Variants in PPARGC1A observed in about 807,000 individuals in gnomAD.
The protein encoded by PPARGC1A is peroxisome proliferator-activated receptor gamma coactivator 1-alpha.
In PPARGC1A, 25 loss-of-function variants were observed where a neutral mutation model predicts 88.7. The ratio of observed to expected loss-of-function variants is 0.28; its 90% CI spans 0.21 to 0.39. The LOEUF is 0.39. PPARGC1A is among the 10% of genes least tolerant of loss of function. The pLI is 1.00. For missense variants in PPARGC1A, 880 were observed against 968.7 expected (o/e 0.91, Z 1.22); for synonymous variants, 363 against 355.6 (o/e 1.02, Z -0.24).
the PPARGC1A span, among the ~76,000 whole-genome samples, chr4:24,287,525 A>T: frequency 0.45 from 68,339 of 151,344 alleles, 15,941 homozygotes; most frequent in Non-Finnish European, 0.52. Flanking sequence ...GAGTGCTGAG[A>T]AAAAAAAATC....
intron 2 of PPARGC1A, among the ~76,000 whole-genome samples, chr4:23,833,408 A>G (rs1311286664): frequency 6.6e-6 from 1 of 152,174 alleles, no homozygotes; most frequent in African/African-American, 2.4e-5. Context: ...TGCTTCCAAA[A>G]TCTTCTTTTG....
At chr4:24,051,740 G>A in the PPARGC1A span, among the ~76,000 whole-genome samples, 87 of 152,280 alleles carry the variant, frequency 5.7e-4, no homozygotes, top group East Asian at 7.1e-3. Context: ...GAGGGGCTGG[G>A]AAGAAATTAG....
At chr4:23,854,407 G>C (rs990741591) in intron 2 of PPARGC1A, among the ~76,000 whole-genome samples, 3 of 152,146 alleles carry the variant, frequency 2.0e-5, no homozygotes, top group Non-Finnish European at 4.4e-5. Flanking sequence ...CCTCTGACCT[G>C]GGAAATGAAG....
At chr4:24,009,904 C>T in the PPARGC1A span, among the ~76,000 whole-genome samples, 1 of 152,174 alleles carries the variant, frequency 6.6e-6, no homozygotes. Context: ...CTTCTAATTC[C>T]TTCCCTGATA....
the PPARGC1A span, among the ~76,000 whole-genome samples, chr4:24,270,243 C>T: frequency 6.6e-6 from 1 of 152,130 alleles, no homozygotes; most frequent in African/African-American, 2.4e-5. Context: ...GGCCTTCAGA[C>T]TGCAGCTCTT....
chr4:24,096,558 T>C, the PPARGC1A span, among the ~76,000 whole-genome samples: 1 of 152,328 alleles, frequency 6.6e-6, no homozygotes, highest in African/African-American at 2.4e-5. Context: ...GTAAAAGTCA[T>C]GGCAAGAATG....
the PPARGC1A span, among the ~76,000 whole-genome samples, chr4:24,319,215 T>C: frequency 6.6e-6 from 1 of 152,100 alleles, no homozygotes; most frequent in Non-Finnish European, 1.5e-5. Flanking sequence ...GTGTGGTGCA[T>C]GCCTGTCGTC....
At chr4:23,997,712 G>C in the PPARGC1A span, among the ~76,000 whole-genome samples, 2 of 151,848 alleles carry the variant, frequency 1.3e-5, no homozygotes, top group Admixed American at 1.3e-4. Context: ...GGGTGGTCTT[G>C]AACTCCGAAG....
At chr4:24,381,821 T>C in the PPARGC1A span, among the ~76,000 whole-genome samples, 4 of 152,224 alleles carry the variant, frequency 2.6e-5, no homozygotes, top group African/African-American at 4.8e-5. Context: ...AGACCTGAGG[T>C]TGATTAGATA....
the PPARGC1A span, among the ~76,000 whole-genome samples, chr4:24,465,118 A>C: frequency 6.6e-6 from 1 of 152,180 alleles, no homozygotes; most frequent in African/African-American, 2.4e-5. Context: ...CTCCTGCCGC[A>C]GCCTCCTGAG....
chr4:23,843,906 C>T (rs1055571450), intron 2 of PPARGC1A, among the ~76,000 whole-genome samples: 1 of 151,858 alleles, frequency 6.6e-6, no homozygotes, highest in Non-Finnish European at 1.5e-5. Flanking sequence ...TACATGCAGA[C>T]CAATATCATA....
chr4:23,973,521 T>C, the PPARGC1A span, among the ~76,000 whole-genome samples: 14 of 152,358 alleles, frequency 9.2e-5, no homozygotes, highest in South Asian at 2.7e-3. Flanking sequence ...GTTTCTATGG[T>C]GTTTGATGTC....
the PPARGC1A span, among the ~76,000 whole-genome samples, chr4:23,914,072 G>T: frequency 6.6e-6 from 1 of 152,210 alleles, no homozygotes; most frequent in Admixed American, 6.5e-5. Context: ...AACCTCTTCT[G>T]GGAGGGATTC....
At chr4:24,426,287 C>T in the PPARGC1A span, among the ~76,000 whole-genome samples, 1 of 152,346 alleles carries the variant, frequency 6.6e-6, no homozygotes, top group African/African-American at 2.4e-5. Flanking sequence ...AACTCCTCCT[C>T]TAACCTTAGT....
intron 1 of PPARGC1A, among the ~76,000 whole-genome samples, chr4:23,886,409 G>A (rs1308206561): frequency 6.6e-6 from 1 of 152,094 alleles, no homozygotes; most frequent in Non-Finnish European, 1.5e-5. Flanking sequence ...TAAGTACTGG[G>A]TAATGGAGTC....
At chr4:24,104,246 G>A in the PPARGC1A span, among the ~76,000 whole-genome samples, 1 of 152,200 alleles carries the variant, frequency 6.6e-6, no homozygotes, top group South Asian at 2.1e-4. Flanking sequence ...GGTGGCTATA[G>A]GGGTTTATCA....
chr4:23,870,754 G>A (rs1439095737), intron 2 of PPARGC1A, among the ~76,000 whole-genome samples: 1 of 152,120 alleles, frequency 6.6e-6, no homozygotes, highest in Non-Finnish European at 1.5e-5. Context: ...TCTCACCTAT[G>A]TTTCAGACAA....
the PPARGC1A span, among the ~76,000 whole-genome samples, chr4:23,920,459 T>C: frequency 6.6e-6 from 1 of 152,230 alleles, no homozygotes; most frequent in African/African-American, 2.4e-5. Flanking sequence ...CCATTACCAC[T>C]GAACTAACTA....
chr4:24,384,986 A>G, the PPARGC1A span, among the ~76,000 whole-genome samples: 1 of 152,156 alleles, frequency 6.6e-6, no homozygotes, highest in Non-Finnish European at 1.5e-5. Context: ...TGACCACATA[A>G]TTGGAAGTAC....
Sources: allele counts gnomAD v4.1 joint callset (sites outside exome capture counted in the v4.1 genomes callset), GRCh38; gene constraint gnomAD v4.1.1; transcripts MANE v1.5; gene names NCBI Gene and HGNC (gene_info 2026-07-23, HGNC 2026-07-21).